Variants in NFATC1 observed in about 807,000 individuals in gnomAD.
The protein encoded by NFATC1 is nuclear factor of activated T cells 1.
Under a neutral mutation model 76.0 loss-of-function variants are expected in NFATC1, and 22 were observed. The ratio of observed to expected loss-of-function variants is 0.29; its 90% confidence interval spans 0.21 to 0.41. The LOEUF is 0.41. NFATC1 is among the 10% of genes least tolerant of loss of function. NFATC1 has a pLI of 1.00. For missense variants in NFATC1, 1,357 were observed against 1,337.7 expected, an observed-to-expected ratio of 1.01 and a Z score of -0.23; for synonymous variants, 704 against 613.1, an observed-to-expected ratio of 1.15 and a Z score of -2.19.
rs917805021 is a variant in NFATC1, at chr18:79,410,502, C to T, written c.227C>T (p.Thr76Ile). 17 of 1,612,022 alleles carry T rather than the reference C, an allele frequency of 1.1e-5. No homozygotes were observed. Among genetic ancestry groups the T allele is most frequent in the Non-Finnish European group, 1.4e-5 (16 of 1,179,976 alleles). ...CCGTGCCACAACCTTCAGACCTCCA[C>T]ACCGGGCATCATCCCGCCGGCGGAT... ...PAPCHNLQTS[T>I]PGIIPPADHP... is the part of the protein sequence containing the mutation. The change falls in exon 2 of 10, where the codon ACA becomes ATA. Residue 76 changes from threonine (T) to isoleucine (I), a missense_variant. By Grantham distance (89) the Thr-to-Ile change is moderately conservative. This residue lies in a region of NFATC1 where 691 missense variants were observed against 613.1 expected (regional missense o/e 1.13). Coordinates refer to ENST00000427363, the MANE Select transcript of NFATC1 (RefSeq NM_001278669.2). The surrounding 1 kb of genome is among the most constrained non-coding windows in gnomAD (Gnocchi z 6.7).
rs2090688696 is a variant in NFATC1 at position 79,524,203 on chromosome 18, C to T, written c.2783-3325C>T. On this transcript the variant is annotated intron_variant, in intron 9 of 9. Coordinates refer to ENST00000427363, the MANE Select transcript of NFATC1 (RefSeq NM_001278669.2). The surrounding 1 kb of genome is among the most constrained non-coding windows in gnomAD (Gnocchi z 7.2). Reference sequence around the variant, plus strand: ...GGCGGTCCTGTCTTTCAGCCCAGCGCCAGCGAGCCACATGGCCTCAGACCA... The same window carrying T: ...GGCGGTCCTGTCTTTCAGCCCAGCGTCAGCGAGCCACATGGCCTCAGACCA... Among the ~76,000 whole-genome samples, 2 of 152,166 alleles carry T rather than the reference C, an allele frequency of 1.3e-5. No individual in the cohort carries two copies. The highest frequency in any genetic ancestry group is 4.1e-4 in the South Asian group (2 of 4,834).
chr18:79,522,795 G>A (rs2090648954), intron 9 of NFATC1, among the ~76,000 whole-genome samples: 2 of 151,250 alleles, frequency 1.3e-5, no homozygotes, highest in South Asian at 4.1e-4. Context: ...CTGTCCCAGG[G>A]TCTGAGTCGT....
intron 8 of NFATC1, among the ~76,000 whole-genome samples, chr18:79,483,647 C>T (rs2089395908): frequency 6.9e-6 from 1 of 145,380 alleles, no homozygotes; most frequent in East Asian, 2.1e-4. Flanking sequence ...TGACCTGGTC[C>T]TGGGGTGTAA....
intron 8 of NFATC1, among the ~76,000 whole-genome samples, chr18:79,479,681 C>T (rs562615356): frequency 6.6e-6 from 1 of 152,354 alleles, no homozygotes; most frequent in Admixed American, 6.5e-5. Flanking sequence ...CAGAGAACAT[C>T]CCGCTGCATC....
intron 7 of NFATC1, among the ~76,000 whole-genome samples, chr18:79,463,550 C>T (rs752067242): frequency 2.6e-5 from 4 of 152,250 alleles, no homozygotes; most frequent in South Asian, 4.1e-4. Context: ...TGTGGCTCCC[C>T]GCTGGCCGGG....
intron 2 of NFATC1, among the ~76,000 whole-genome samples, chr18:79,419,511 G>A (rs1269173605): frequency 2.0e-5 from 3 of 149,760 alleles, no homozygotes; most frequent in South Asian, 2.1e-4. Flanking sequence ...CTGCCTGCCC[G>A]GGAGCCCCCC....
intron 6 of NFATC1, among the ~76,000 whole-genome samples, chr18:79,454,907 G>A (rs562954263): frequency 1.4e-4 from 19 of 139,368 alleles, no homozygotes; most frequent in South Asian, 5.3e-4. Flanking sequence ...CACCCCTCCC[G>A]CCTGTTAAAG....
At chr18:79,464,712 T>A (rs1384302859) in intron 7 of NFATC1, among the ~76,000 whole-genome samples, 4 of 79,564 alleles carry the variant, frequency 5.0e-5, no homozygotes, top group East Asian at 4.3e-4. Context: ...ATTTATTTAT[T>A]TTTTTTTTTT....
chr18:79,513,563 A>G (rs1326479751), intron 9 of NFATC1, among the ~76,000 whole-genome samples: 1 of 152,270 alleles, frequency 6.6e-6, no homozygotes, highest in Non-Finnish European at 1.5e-5. Flanking sequence ...GGTGAGGGAC[A>G]CGTGCTTTCC....
chr18:79,496,000 C>T (rs985600186), intron 9 of NFATC1: 1 of 152,362 alleles, frequency 6.6e-6, no homozygotes, highest in South Asian at 2.1e-4. Context: ...AAGCCGTGAA[C>T]AGTAGTAAGG....
chr18:79,476,302 A>G (rs2089066149), intron 8 of NFATC1, among the ~76,000 whole-genome samples: 1 of 152,260 alleles, frequency 6.6e-6, no homozygotes, highest in South Asian at 2.1e-4. Context: ...TCCAGCCGGA[A>G]TGGCAAAGCC....
chr18:79,419,669 G>T (rs181191020), intron 2 of NFATC1, among the ~76,000 whole-genome samples: 1 of 152,368 alleles, frequency 6.6e-6, no homozygotes, highest in East Asian at 1.9e-4. Flanking sequence ...TTCCTAAGCT[G>T]CCTGTGGTCC....
chr18:79,481,592 C>T (rs934008844), intron 8 of NFATC1, among the ~76,000 whole-genome samples: 6 of 152,244 alleles, frequency 3.9e-5, no homozygotes, highest in African/African-American at 1.4e-4. Flanking sequence ...GCAGAGTCCT[C>T]CTCCCAGGAA....
intron 9 of NFATC1, among the ~76,000 whole-genome samples, chr18:79,487,927 G>T (rs2089559470): frequency 6.6e-6 from 1 of 152,196 alleles, no homozygotes; most frequent in African/African-American, 2.4e-5. Context: ...TTCCTCGGAG[G>T]CACAGTGAGT....
chr18:79,453,487 A>C (rs2087560695), intron 6 of NFATC1, among the ~76,000 whole-genome samples: 1 of 152,224 alleles, frequency 6.6e-6, no homozygotes, highest in African/African-American at 2.4e-5. Flanking sequence ...GGCCGCCCCT[A>C]CAGGCAGCCC....
At chr18:79,498,070 G>A (rs546563324) in intron 9 of NFATC1, 5 of 151,160 alleles carry the variant, frequency 3.3e-5, no homozygotes, top group South Asian at 2.1e-4. Flanking sequence ...GGGGGATGGG[G>A]GGGGGGGAAT....
At chr18:79,422,278 T>C (rs1396571240) in intron 2 of NFATC1, 2 of 152,280 alleles carry the variant, frequency 1.3e-5, no homozygotes, top group African/African-American at 2.4e-5. Context: ...TGGTTTTTGT[T>C]TTATAAGCCA....
chr18:79,516,664 T>A (rs1178604600), intron 9 of NFATC1, among the ~76,000 whole-genome samples: 1 of 152,150 alleles, frequency 6.6e-6, no homozygotes, highest in African/African-American at 2.4e-5. Context: ...AGGAAACATT[T>A]ATGGTAGACT....
chr18:79,469,107 C>T (rs569576093), intron 8 of NFATC1: 11 of 183,556 alleles, frequency 6.0e-5, no homozygotes, highest in Non-Finnish European at 1.1e-4. Flanking sequence ...TGGTCTGTGC[C>T]GCCCACACTT....
Sources: allele counts gnomAD v4.1 joint callset (sites outside exome capture counted in the v4.1 genomes callset), GRCh38; gene constraint gnomAD v4.1.1; regional missense constraint gnomAD v4.1.1; non-coding constraint Gnocchi (gnomAD v3.1); transcripts MANE v1.5; gene names NCBI Gene and HGNC (gene_info 2026-07-23, HGNC 2026-07-21).